Variants in TMCO4 observed in about 807,000 individuals in gnomAD.
TMCO4 encodes transmembrane and coiled-coil domain-containing protein 4.
In TMCO4, 58 loss-of-function variants were observed where a neutral mutation model predicts 64.7. The ratio of observed to expected loss-of-function variants is 0.90; its 90% confidence interval spans 0.73 to 1.12. The LOEUF (loss-of-function observed/expected upper bound fraction) is 1.12. Ranked by LOEUF, TMCO4 falls within the 50% of genes most tolerant of loss-of-function variation. The pLI, the probability that TMCO4 is intolerant of heterozygous loss-of-function variation, is 0.00. For synonymous variants in TMCO4, 325 were observed against 346.1 expected (o/e 0.94, Z 0.68); for missense variants, 780 against 825.9 (o/e 0.94, Z 0.68).
At chr1:19,778,408 G>A (rs2101058202) in intron 4 of TMCO4, among the ~76,000 whole-genome samples, 1 of 152,188 alleles carries the variant, frequency 6.6e-6, no homozygotes, top group East Asian at 1.9e-4. Flanking sequence ...TGAGTGGCTG[G>A]GACCACAGGT....
chr1:19,718,650 C>A (rs1397715850), intron 13 of TMCO4, among the ~76,000 whole-genome samples: 29 of 63,288 alleles, frequency 4.6e-4, no homozygotes, highest in South Asian at 1.4e-3. Flanking sequence ...GACCGTCTCT[C>A]AAAAAAAAAA....
chr1:19,761,303 G>A (rs567577129), intron 6 of TMCO4, among the ~76,000 whole-genome samples: 6 of 152,160 alleles, frequency 3.9e-5, no homozygotes, highest in Middle Eastern at 3.2e-3. Context: ...CCCGAAGCCC[G>A]CCCATGCTTC....
At chr1:19,776,612 A>G (rs77978393) in intron 4 of TMCO4, among the ~76,000 whole-genome samples, 6,720 of 152,282 alleles carry the variant, frequency 0.044, 490 homozygotes, top group African/African-American at 0.15. Flanking sequence ...AAGGGCCATC[A>G]ACACATACCC....
At chr1:19,792,829 G>A (rs1013033248) in intron 2 of TMCO4, among the ~76,000 whole-genome samples, 14 of 141,996 alleles carry the variant, frequency 9.9e-5, no homozygotes, top group Non-Finnish European at 2.0e-4. Flanking sequence ...GGAGTGCAGT[G>A]GCGCAATCTG....
chr1:19,698,281 T>C (rs2095249796), intron 14 of TMCO4, among the ~76,000 whole-genome samples: 1 of 152,168 alleles, frequency 6.6e-6, no homozygotes, highest in Admixed American at 6.5e-5. Context: ...CCTCTTGTCC[T>C]GGGTTACAAG....
intron 4 of TMCO4, among the ~76,000 whole-genome samples, chr1:19,775,127 C>T (rs528068187): frequency 1.3e-5 from 2 of 152,294 alleles, no homozygotes; most frequent in Admixed American, 6.5e-5. Context: ...TGTAATGGCA[C>T]GATCTTGGCT....
intron 14 of TMCO4, among the ~76,000 whole-genome samples, chr1:19,696,413 GGTGGTGT>G (rs11279610): frequency 0.08 from 12,224 of 152,008 alleles, 1,543 homozygotes; most frequent in African/African-American, 0.27. Flanking sequence ...AGCTGGGCAT[GGTGGTGT>G]GTGCCTGTGG....
chr1:19,763,374 G>A (rs1012263737), intron 6 of TMCO4, among the ~76,000 whole-genome samples: 2 of 152,174 alleles, frequency 1.3e-5, no homozygotes, highest in Admixed American at 6.5e-5. Flanking sequence ...CACCACGCCG[G>A]GCCAAGAATA....
chr1:19,728,415 T>C (rs1403770245), intron 13 of TMCO4, among the ~76,000 whole-genome samples: 1 of 152,192 alleles, frequency 6.6e-6, no homozygotes, highest in Non-Finnish European at 1.5e-5. Flanking sequence ...TCATAGATGG[T>C]GGCTATTGCT....
chr1:19,683,301 A>G lies in TMCO4; in HGVS notation c.1644T>C (p.Ala548=), dbSNP rs2100494786. 6.2e-7 allele frequency: 1 copy of G among 1,614,050 alleles called. No individual in the cohort carries two copies. Among genetic ancestry groups the G allele is most frequent in the South Asian group, 1.1e-5 (1 of 91,074 alleles). Residue 548 remains alanine (A), a synonymous_variant, in exon 16 of 16, where the codon GCT becomes GCC. Coordinates refer to ENST00000294543, the MANE Select transcript of TMCO4 (RefSeq NM_181719.7). Reference sequence around the variant, plus strand: ...GGGGGGTCTCGCCTGATGAGGCGGCAGCTGCTGCCTGGCGAGGCTCCTCGG... The same window carrying G: ...GGGGGGTCTCGCCTGATGAGGCGGCGGCTGCTGCCTGGCGAGGCTCCTCGG... ...LPSEEPRQAA[A]AASSGETPHQ...
chr1:19,761,724 A>G (rs1242775168), intron 6 of TMCO4, among the ~76,000 whole-genome samples: 1 of 152,198 alleles, frequency 6.6e-6, no homozygotes, highest in East Asian at 1.9e-4. Flanking sequence ...GGGCTTAGGA[A>G]TCTGTACTTT....
Position 19,683,046 on chromosome 1 carries a change from C to G in TMCO4, c.1899G>C (p.Leu633=). Residue 633 remains leucine (L), a synonymous_variant, in exon 16 of 16, where the codon CTG becomes CTC. Transcript: ENST00000294543. ...ACKTQGPSTG[L]D ...CTCAGGTCCCCTGCTGTGGTCAGTCCAGCCCCGTGCTGGGGCCCTGGGTCT... is the reference window on the plus strand; with the variant it reads ...CTCAGGTCCCCTGCTGTGGTCAGTCGAGCCCCGTGCTGGGGCCCTGGGTCT... 1 of 1,584,118 alleles carries G rather than the reference C, an allele frequency of 6.3e-7. No individual in the cohort carries two copies. Among genetic ancestry groups the G allele is most frequent in the Non-Finnish European group, 8.6e-7 (1 of 1,166,386 alleles).
At chr1:19,726,850 T>G (rs991967039) in intron 13 of TMCO4, among the ~76,000 whole-genome samples, 2 of 152,220 alleles carry the variant, frequency 1.3e-5, no homozygotes, top group African/African-American at 4.8e-5. Context: ...GGCCTGTTTG[T>G]GTCTGAAGAG....
At chr1:19,738,571 T>C (rs1194766207) in intron 12 of TMCO4, among the ~76,000 whole-genome samples, 2 of 152,368 alleles carry the variant, frequency 1.3e-5, no homozygotes, top group South Asian at 4.1e-4. Context: ...CTCCAGATAT[T>C]GACACCCAGA....
chr1:19,751,909 G>T (rs1056834756), intron 7 of TMCO4, among the ~76,000 whole-genome samples: 2 of 152,074 alleles, frequency 1.3e-5, no homozygotes, highest in East Asian at 1.9e-4. Context: ...TTAGCTGGGC[G>T]TGGTGGCGGG....
At chr1:19,737,300 CT>C in intron 13 of TMCO4, 71 bp downstream of exon 13, 1 of 1,503,454 alleles carries the variant, frequency 6.7e-7, no homozygotes, top group Non-Finnish European at 9.2e-7. Flanking sequence ...CTCATGGCCC[CT>C]GGCCCAGAAC....
chr1:19,752,222 G>T (rs1372862660), intron 7 of TMCO4, among the ~76,000 whole-genome samples: 1 of 152,070 alleles, frequency 6.6e-6, no homozygotes, highest in Non-Finnish European at 1.5e-5. Flanking sequence ...CCTTTCCTTG[G>T]AAGTGAACAC....
intron 4 of TMCO4, among the ~76,000 whole-genome samples, chr1:19,774,661 G>A (rs1209123559): frequency 2.0e-5 from 3 of 152,174 alleles, no homozygotes; most frequent in African/African-American, 4.8e-5. Context: ...TGTTGGTCTG[G>A]TGGAAATACA....
In TMCO4 at chr1:19,790,856, C is replaced by A. The variant is rs547628290; in HGVS notation, c.-100-3739G>T. 3.3e-5 allele frequency among the ~76,000 whole-genome samples: 5 copies of A among 152,302 alleles called. No individual in the cohort carries two copies. In the East Asian group the frequency reaches 7.7e-4, roughly 23 times the overall value. ...TCATTCTATTACAAAGATACCTGCA[C>A]GTGTATGTTCACTGCAGCACTATTC... On this transcript the variant is annotated intron_variant, in intron 2 of 15. Transcript: ENST00000294543.
Sources: gnomAD v4.1 joint callset for allele counts (sites outside exome capture counted in the v4.1 genomes callset) on GRCh38, gnomAD v4.1.1 for gene constraint, MANE v1.5 for transcripts, NCBI Gene and HGNC (gene_info 2026-07-23, HGNC 2026-07-21) for gene names.